The following FGFR3 variants were observed in gnomAD, a reference collection of about 807,000 sequenced individuals.
FGFR3 encodes FGFR-3.
FGFR3 carries 25 observed loss-of-function variants against 82.9 expected under a neutral mutation model. The ratio of observed to expected loss-of-function variants is 0.30; its 90% CI spans 0.22 to 0.42. The LOEUF (loss-of-function observed/expected upper bound fraction) is 0.42. Among genes scored for constraint, FGFR3 ranks in the 10% least tolerant of loss-of-function variants. The probability of loss-of-function intolerance (pLI) is 1.00; values close to 1 mark genes in which losing one functional copy is unlikely to be tolerated. For missense variants in FGFR3, 1,026 were observed against 1,161.0 expected (o/e 0.88, Z 1.69); for synonymous variants, 620 against 516.0 (o/e 1.20, Z -2.73).
chr4:1,804,852 G>C lies in FGFR3; in HGVS notation c.1295G>C (p.Ser432Thr). ...QVSLESNASM[S>T]SNTPLVRIAR... ...TCCCTGGAGTCCAACGCGTCCATGA[G>C]CTCCAACACACCACTGGTGCGCATC... The change falls in exon 10 of 18, where the codon AGC becomes ACC. Residue 432 changes from serine to threonine, a missense_variant. Transcript: ENST00000440486. 6.5e-7 allele frequency: 1 copy of C among 1,550,020 alleles called. No homozygotes were observed. Among genetic ancestry groups the C allele is most frequent in the Non-Finnish European group, 8.7e-7 (1 of 1,146,940 alleles).
chr4:1,805,385 C>T lies in FGFR3; in HGVS notation c.1443C>T (p.Gly481=), dbSNP rs777256634. 3.7e-6 allele frequency: 6 copies of T among 1,612,292 alleles called. No homozygotes were observed. The highest frequency in any genetic ancestry group is 1.3e-5 in the African/African-American group (1 of 74,932). The change falls in exon 11 of 18, where the codon GGC becomes GGT. Residue 481 remains glycine, a synonymous_variant. Transcript: ENST00000440486. ...CCCTGGGCAAGCCCCTTGGGGAGGG[C>T]TGCTTCGGCCAGGTGGTCATGGCGG... ...RLTLGKPLGE[G]CFGQVVMAEA...
chr4:1,803,205 GGCAGCT>G (rs1721421438), intron 7 of FGFR3: 2 of 1,053,996 alleles, frequency 1.9e-6, no homozygotes, highest in Non-Finnish European at 2.5e-6. Flanking sequence ...CGGCAAGGCT[GGCAGCT>G]CCAGCCTCCA....
chr4:1,806,003 C>T (rs372486683), intron 13 of FGFR3, 48 bp from the exon 14 acceptor site: 28 of 1,611,704 alleles, frequency 1.7e-5, no homozygotes, highest in Middle Eastern at 1.7e-4. Context: ...CTGGGAGCAG[C>T]GGGGAGAGGT....
At position 1,805,769 on chromosome 4, in the gene FGFR3, G is replaced by A; in HGVS notation, c.1665G>A (p.Val555=). The A allele has an allele frequency of 6.2e-7, 1 of 1,612,606 alleles. No individual in the cohort carries two copies. The highest frequency in any genetic ancestry group is 8.5e-7 in the Non-Finnish European group (1 of 1,179,800). The change falls in exon 13 of 18, where the codon GTG becomes GTA. Residue 555 remains valine (V), a synonymous_variant. Transcript: ENST00000440486. ...CCCCAGGGCCCCTGTACGTGCTGGT[G>A]GAGTACGCGGCCAAGGGTAACCTGC... is the stretch of plus-strand genomic sequence containing the variant. ...CTQGGPLYVL[V]EYAAKGNLRE...
In FGFR3 at chr4:1,803,733, C is replaced by T; in HGVS notation, c.972C>T (p.Leu324=). 2 of 1,614,084 alleles carry T rather than the reference C, an allele frequency of 1.2e-6. No homozygotes were observed. The highest frequency in any genetic ancestry group is 2.2e-5 in the East Asian group (1 of 44,892). ...ANTTDKELEV[L]SLHNVTFEDA... The stretch of plus-strand genomic sequence containing the variant: ...CCACCGACAAGGAGCTAGAGGTTCT[C>T]TCCTTGCACAACGTCACCTTTGAGG... Residue 324 remains leucine (L), a synonymous_variant, in exon 8 of 18, where the codon CTC becomes CTT. Coordinates refer to ENST00000440486, the MANE Select transcript of FGFR3 (RefSeq NM_000142.5).
chr4:1,807,706 C>T lies in FGFR3; in HGVS notation c.*444C>T. 1 of 616,694 alleles carries T rather than the reference C, an allele frequency of 1.6e-6. No individual in the cohort carries two copies. The highest frequency in any genetic ancestry group is 1.4e-5 in the South Asian group (1 of 72,402). The allele number at this position is 616,694 out of a possible 1,614,324, so 38.2% of individuals were successfully genotyped here. A position where few individuals can be genotyped will look rare whatever the true frequency, so the allele number is the denominator to read the frequency against. On this transcript the variant is annotated 3_prime_UTR_variant, in exon 18 of 18. Transcript: ENST00000440486. The stretch of plus-strand genomic sequence containing the variant: ...AAGCTGAGCCTGCAGGGAAGCCCCA[C>T]ATGTCCAGCACCTTGTGCCTGGGGT...
At position 1,807,561 on chromosome 4, in the gene FGFR3, T is replaced by C. The variant is rs758059842; in HGVS notation, c.*299T>C. On this transcript the variant is annotated 3_prime_UTR_variant, in exon 18 of 18. Transcript: ENST00000440486. ...TGTTCTGGGGGGACCCAGTGCAGAA[T>C]GTAAGTGGGCCCACCCGGTGGGACC... 5.1e-5 allele frequency: 36 copies of C among 706,108 alleles called. No homozygotes were observed. Among genetic ancestry groups the C allele is most frequent in the South Asian group, 4.6e-4 (33 of 71,860 alleles). 43.7% of individuals were successfully genotyped at this position (706,108 alleles called of 1,614,324 possible). A position where few individuals can be genotyped will look rare whatever the true frequency, so the allele number is the denominator to read the frequency against.
At chr4:1,806,773 T>C (rs2108813540) in intron 16 of FGFR3, 56 bp from the exon 17 acceptor site, 2 of 1,593,632 alleles carry the variant, frequency 1.3e-6, no homozygotes, top group Non-Finnish European at 1.7e-6. Context: ...CCCTTCAGGC[T>C]GTTCCCGAAT....
chr4:1,804,738 C>A (rs1577286165), intron 9 of FGFR3, 86 bp from the exon 10 acceptor site: 3 of 1,512,876 alleles, frequency 2.0e-6, no homozygotes, highest in African/African-American at 1.4e-5. Context: ...AGAACGCCCC[C>A]CCTTCTGGCC....
chr4:1,803,432 C>T (rs554216493), intron 7 of FGFR3, among the ~76,000 whole-genome samples: 4 of 152,364 alleles, frequency 2.6e-5, no homozygotes, highest in African/African-American at 9.6e-5. Context: ...CCCGGCTCTG[C>T]GCTAACCCGC....
At chr4:1,805,011 G>A in intron 10 of FGFR3, 42 bp downstream of exon 10, 1 of 1,517,590 alleles carries the variant, frequency 6.6e-7, no homozygotes, top group East Asian at 2.5e-5. Context: ...AGGGGGCTTG[G>A]TGGTGGGGGT....
chr4:1,804,453 GC>G lies in FGFR3; in HGVS notation c.1206del (p.Lys403ArgfsTer29), dbSNP rs760502257. 1.2e-6 allele frequency: 2 copies of G among 1,612,566 alleles called. No individual in the cohort carries two copies. The highest frequency in any genetic ancestry group is 1.3e-5 in the African/African-American group (1 of 74,894). On this transcript the variant is annotated frameshift_variant, in exon 9 of 18. Transcript: ENST00000440486. LOFTEE classifies it high-confidence loss of function. Reference sequence around the variant, plus strand: ...GCTGTGACGCTCTGCCGCCTGCGCAGCCCCCCCAAGAAAGGCCTGGGCTCCC... The same window carrying G: ...GCTGTGACGCTCTGCCGCCTGCGCAGCCCCCCAAGAAAGGCCTGGGCTCCC... ...VAAVTLCRLR[S>X]PPKKGLGSPT...
intron 16 of FGFR3, 32 bp from the exon 17 acceptor site, chr4:1,806,797 G>T: frequency 6.3e-7 from 1 of 1,585,844 alleles, no homozygotes; most frequent in Non-Finnish European, 8.6e-7. Flanking sequence ...GCGGGAAGCG[G>T]CGGGGCTCAC....
chr4:1,801,346 C>G lies in FGFR3; in HGVS notation c.446-21C>G. On this transcript the variant is annotated intron_variant, in intron 4 of 17. Transcript: ENST00000440486. ...CTGCTCCCACTCGGGTCATGGCCTT[C>G]ACACGCACCTCGGCCCGCAGGGGCC... 8 of 1,547,608 alleles carry G rather than the reference C, an allele frequency of 5.2e-6. No individual in the cohort carries two copies. In the South Asian group the frequency reaches 9.5e-5, roughly 18 times the overall value.
chr4:1,798,599 C>T (rs529038389), intron 2 of FGFR3, among the ~76,000 whole-genome samples: 19 of 151,798 alleles, frequency 1.3e-4, no homozygotes, highest in Non-Finnish European at 2.4e-4. Flanking sequence ...CCGCGCATCG[C>T]CCCCCAGACC....
intron 2 of FGFR3, among the ~76,000 whole-genome samples, chr4:1,798,008 C>G (rs1219768502): frequency 6.6e-6 from 1 of 152,148 alleles, no homozygotes; most frequent in Non-Finnish European, 1.5e-5. Flanking sequence ...AGGAGGCTGC[C>G]TGGGGGACCA....
intron 2 of FGFR3, among the ~76,000 whole-genome samples, 171 bp downstream of exon 2, chr4:1,794,214 G>A (rs1327435849): frequency 1.3e-5 from 2 of 152,240 alleles, no homozygotes; most frequent in Non-Finnish European, 2.9e-5. Context: ...CTAGCGCGGC[G>A]ACTTGTGGTG....
chr4:1,800,181 C>T (rs1721017376), intron 4 of FGFR3, among the ~76,000 whole-genome samples: 2 of 149,936 alleles, frequency 1.3e-5, no homozygotes, highest in South Asian at 2.2e-4. Context: ...AGGTGGCTGC[C>T]GTGGGGTGGA....
At position 1,807,385 on chromosome 4, in the gene FGFR3, G is replaced by A; in HGVS notation, c.*123G>A. The A allele has an allele frequency of 1.3e-6, 1 of 756,256 alleles. No individual in the cohort carries two copies. The allele number at this position is 756,256 out of a possible 1,614,324, so 46.8% of individuals were successfully genotyped here. Reference sequence around the variant, plus strand: ...AGACAGCTACACAGAGCTTTGGTCTGTGTGTGTGTGTGTGCGTGTGTGTGT... The same window carrying A: ...AGACAGCTACACAGAGCTTTGGTCTATGTGTGTGTGTGTGCGTGTGTGTGT... On this transcript the variant is annotated 3_prime_UTR_variant, in exon 18 of 18. Coordinates refer to ENST00000440486, the MANE Select transcript of FGFR3 (RefSeq NM_000142.5).
Sources: gnomAD v4.1 joint callset for allele counts (sites outside exome capture counted in the v4.1 genomes callset) on GRCh38, gnomAD v4.1.1 for gene constraint, MANE v1.5 for transcripts, NCBI Gene and HGNC (gene_info 2026-07-23, HGNC 2026-07-21) for gene names.